The following EBF1 variants were observed in gnomAD, a reference collection of about 807,000 sequenced individuals.
The protein encoded by EBF1 is transcription factor COE1.
A neutral mutation model predicts 68.4 loss-of-function variants in EBF1; 10 were observed. That is an observed-to-expected ratio of 0.15 (90% CI 0.09 to 0.25). The LOEUF is 0.25. Ranked by LOEUF, EBF1 falls within the 10% of genes least tolerant of loss-of-function variation. The pLI is 1.00. For synonymous variants in EBF1, 298 were observed against 299.8 expected, an observed-to-expected ratio of 0.99 and a Z score of 0.06; for missense variants, 509 against 794.4, an observed-to-expected ratio of 0.64 and a Z score of 4.32.
At chr5:158,877,748 T>G (rs972449619) in intron 6 of EBF1, among the ~76,000 whole-genome samples, 1 of 151,998 alleles carries the variant, frequency 6.6e-6, no homozygotes, top group African/African-American at 2.4e-5. Context: ...TTGAAAACCT[T>G]TTTAGACCTA....
At chr5:158,836,041 T>A (rs115551997) in intron 7 of EBF1, among the ~76,000 whole-genome samples, 1 of 152,196 alleles carries the variant, frequency 6.6e-6, no homozygotes, top group Non-Finnish European at 1.5e-5. Context: ...TAGACACAGT[T>A]ATCTTCCCAG....
intron 9 of EBF1, among the ~76,000 whole-genome samples, chr5:158,783,754 A>G (rs563150033): frequency 6.6e-6 from 1 of 152,308 alleles, no homozygotes; most frequent in South Asian, 2.1e-4. Context: ...GGAGCCAGAC[A>G]TGAAGGTGGT....
At chr5:158,819,872 G>A (rs1399635687) in intron 8 of EBF1, among the ~76,000 whole-genome samples, 1 of 152,060 alleles carries the variant, frequency 6.6e-6, no homozygotes, top group Non-Finnish European at 1.5e-5. Context: ...CATTTTCCAC[G>A]ATCTATAGCA....
At chr5:158,807,346 A>C (rs1351114858) in intron 8 of EBF1, among the ~76,000 whole-genome samples, 2 of 152,224 alleles carry the variant, frequency 1.3e-5, no homozygotes, top group South Asian at 2.1e-4. Context: ...CTAAATGTAG[A>C]GTATGTGCTT....
chr5:158,866,867 AT>A (rs1796007545), intron 6 of EBF1, among the ~76,000 whole-genome samples: 2 of 69,392 alleles, frequency 2.9e-5, no homozygotes, highest in Non-Finnish European at 6.2e-5. Context: ...ATATATATAT[AT>A]ATATATATAT....
intron 6 of EBF1, among the ~76,000 whole-genome samples, chr5:159,062,263 C>T (rs1775989969): frequency 6.6e-6 from 1 of 152,202 alleles, no homozygotes; most frequent in South Asian, 2.1e-4. Flanking sequence ...ATGTGAGGGC[C>T]TCTGCTTCTC....
At chr5:158,740,876 G>GTA (rs1766209109) in intron 10 of EBF1, among the ~76,000 whole-genome samples, 1 of 152,136 alleles carries the variant, frequency 6.6e-6, no homozygotes, top group African/African-American at 2.4e-5. Flanking sequence ...CTACTTCAGA[G>GTA]CTCCTCAAAC....
intron 6 of EBF1, among the ~76,000 whole-genome samples, chr5:158,855,720 G>A (rs886484269): frequency 3.3e-5 from 5 of 152,198 alleles, no homozygotes; most frequent in East Asian, 1.9e-4. Flanking sequence ...GTAAATGAAC[G>A]CCTGATGAAT....
intron 6 of EBF1, among the ~76,000 whole-genome samples, chr5:158,970,176 C>A (rs1225066680): frequency 1.3e-5 from 2 of 152,306 alleles, no homozygotes; most frequent in East Asian, 3.9e-4. Flanking sequence ...AAACCACTCA[C>A]AGGAGACTTG....
rs1442881041 is a variant in EBF1 at position 158,713,114 on chromosome 5, C to T, written c.1225G>A (p.Glu409Lys). ...TTGCGGGGAACACTGTACAGGGCCTCGGCAATGTCGGCCGCTCTCTTCAGA... is the reference window on the plus strand; with the variant it reads ...TTGCGGGGAACACTGTACAGGGCCTTGGCAATGTCGGCCGCTCTCTTCAGA... Reference protein sequence around the residue: ...IILKRAADIAEALYSVPRNHN... With the variant: ...IILKRAADIAKALYSVPRNHN... Residue 409 changes from glutamate (E) to lysine (K), a missense_variant, in exon 13 of 16, where the codon GAG becomes AAG. Glu to Lys is a moderately conservative substitution (Grantham distance 56). Coordinates refer to ENST00000313708, the MANE Select transcript of EBF1 (RefSeq NM_024007.5). The T allele has an allele frequency of 1.9e-6, 3 of 1,540,324 alleles. No individual in the cohort carries two copies. Among genetic ancestry groups the T allele is most frequent in the Non-Finnish European group, 2.6e-6 (3 of 1,140,102 alleles).
At chr5:159,033,412 C>T (rs1056195405) in intron 6 of EBF1, among the ~76,000 whole-genome samples, 1 of 152,218 alleles carries the variant, frequency 6.6e-6, no homozygotes, top group South Asian at 2.1e-4. Context: ...AAAAAAGCTT[C>T]ACATGGCTTC....
intron 6 of EBF1, among the ~76,000 whole-genome samples, chr5:159,049,096 C>T (rs1773017516): frequency 6.6e-6 from 1 of 152,172 alleles, no homozygotes; most frequent in South Asian, 2.1e-4. Flanking sequence ...GCCCAGCATG[C>T]TAGCAGGTAT....
intron 6 of EBF1, among the ~76,000 whole-genome samples, chr5:158,843,177 A>G (rs1790672470): frequency 6.6e-6 from 1 of 152,034 alleles, no homozygotes; most frequent in Non-Finnish European, 1.5e-5. Context: ...GGTTGGTAAT[A>G]TTTGCTGCCC....
chr5:158,879,212 CAT>C lies in EBF1; in HGVS notation c.555-39104_555-39103del, dbSNP rs1385354559. Reference sequence around the variant, plus strand: ...GTTCAGTACAGTATGTAACTGGGCACATATATGTGATCAATGATCACAATGGT... The same window carrying C: ...GTTCAGTACAGTATGTAACTGGGCACATATGTGATCAATGATCACAATGGT... On this transcript the variant is annotated intron_variant, in intron 6 of 15. Coordinates refer to ENST00000313708, the MANE Select transcript of EBF1 (RefSeq NM_024007.5). Among the ~76,000 whole-genome samples the C allele has an allele frequency of 2.2e-4, 34 of 152,256 alleles. No homozygotes were observed. The East Asian group carries it at 6.4e-3, about 29-fold the overall frequency.
At chr5:158,735,089 G>T (rs1764897649) in intron 10 of EBF1, among the ~76,000 whole-genome samples, 1 of 152,138 alleles carries the variant, frequency 6.6e-6, no homozygotes, top group African/African-American at 2.4e-5. Context: ...AGAAGAGGGG[G>T]TGGCATTCGT....
chr5:158,714,197 G>A lies in EBF1; in HGVS notation c.1126-15C>T. The A allele has an allele frequency of 6.2e-7, 1 of 1,614,106 alleles. No individual in the cohort carries two copies. Among genetic ancestry groups the A allele is most frequent in the Non-Finnish European group, 8.5e-7 (1 of 1,179,950 alleles). On this transcript the variant is annotated splice_polypyrimidine_tract_variant and intron_variant, in intron 11 of 15. Transcript: ENST00000313708. ...AGTATTACTTCCTGTCAAGAGAAAA[G>A]CAGATACAATCCTTTGAGTGAAGGC...
chr5:158,946,612 G>A (rs901330958), intron 6 of EBF1, among the ~76,000 whole-genome samples: 5 of 152,280 alleles, frequency 3.3e-5, no homozygotes, highest in East Asian at 1.9e-4. Flanking sequence ...CCTGTATGAC[G>A]TGTCTGTCGA....
intron 6 of EBF1, among the ~76,000 whole-genome samples, chr5:158,843,756 C>T (rs116160519): frequency 0.012 from 1,756 of 152,256 alleles, 12 homozygotes; most frequent in Non-Finnish European, 0.019. Flanking sequence ...CTGACCCTTT[C>T]GGATTACAGT....
chr5:158,928,469 G>C (rs1470392546), intron 6 of EBF1, among the ~76,000 whole-genome samples: 2 of 152,040 alleles, frequency 1.3e-5, no homozygotes, highest in African/African-American at 4.8e-5. Context: ...ATAATTTTTT[G>C]GCACCATGCT....
Sources: allele counts gnomAD v4.1 joint callset (sites outside exome capture counted in the v4.1 genomes callset), GRCh38; gene constraint gnomAD v4.1.1; transcripts MANE v1.5; gene names NCBI Gene and HGNC (gene_info 2026-07-23, HGNC 2026-07-21).